The following F11 variants were observed in gnomAD, a reference collection of about 807,000 sequenced individuals.
F11 encodes the protein coagualtion factor XI.
F11 carries 78 observed loss-of-function variants against 76.5 expected under a neutral mutation model. That is an observed-to-expected ratio of 1.02 (90% CI 0.85 to 1.23). F11 has a LOEUF of 1.23. F11 is among the 50% of genes most tolerant of loss of function. The probability of loss-of-function intolerance (pLI) is 0.00; values close to 1 mark genes in which losing one functional copy is unlikely to be tolerated. For synonymous variants in F11, 278 were observed against 276.3 expected, an observed-to-expected ratio of 1.01 and a Z score of -0.06; for missense variants, 742 against 771.4, an observed-to-expected ratio of 0.96 and a Z score of 0.45.
intron 10 of F11, among the ~76,000 whole-genome samples, chr4:186,283,650 C>G (rs1345216539): frequency 2.0e-5 from 3 of 152,328 alleles, no homozygotes; most frequent in Admixed American, 2.0e-4. Flanking sequence ...AAGAGCAGTT[C>G]TCAAACGCCA....
intron 13 of F11, among the ~76,000 whole-genome samples, chr4:186,287,315 G>A (rs1388452983): frequency 6.6e-6 from 1 of 151,804 alleles, no homozygotes; most frequent in African/African-American, 2.4e-5. Context: ...CACCACTGGT[G>A]GCTCACGCCT....
At chr4:186,286,636 T>C in intron 13 of F11, 126 bp downstream of exon 13, 25 of 1,520,234 alleles carry the variant, frequency 1.6e-5, no homozygotes, top group Non-Finnish European at 2.2e-5. Flanking sequence ...AGCGGATTAA[T>C]AAAGATGGAG....
chr4:186,266,593 G>A (rs1378583689), intron 1 of F11, among the ~76,000 whole-genome samples: 1 of 152,150 alleles, frequency 6.6e-6, no homozygotes, highest in African/African-American at 2.4e-5. Flanking sequence ...TGATGACTCC[G>A]TTTTTCCTAG....
intron 2 of F11, among the ~76,000 whole-genome samples, chr4:186,269,058 T>G (rs1202477103): frequency 6.6e-6 from 1 of 152,114 alleles, no homozygotes; most frequent in East Asian, 1.9e-4. Flanking sequence ...GGAAAAAAAG[T>G]CACAGGTCTT....
Position 186,280,306 on chromosome 4 carries a change from T to A in F11, c.949T>A (p.Cys317Ser). The change falls in exon 9 of 15, where the codon TGC becomes AGC. Residue 317 changes from cysteine (C) to serine (S), a missense_variant. Cys to Ser is a moderately radical substitution (Grantham distance 112, BLOSUM62 -1). Transcript: ENST00000403665. ...TGTTGCTGCAAAAAGTCACGAGGCCTGCCAGAAACTGTGCACCAATGCCGT... is the reference window on the plus strand; with the variant it reads ...TGTTGCTGCAAAAAGTCACGAGGCCAGCCAGAAACTGTGCACCAATGCCGT... The part of the protein sequence containing the change: ...DIVAAKSHEA[C>S]QKLCTNAVRC... 6.2e-7 allele frequency: 1 copy of A among 1,614,220 alleles called. No individual in the cohort carries two copies. Among genetic ancestry groups the A allele is most frequent in the African/African-American group, 1.3e-5 (1 of 75,052 alleles).
At position 186,289,026 on chromosome 4, in the gene F11, A is replaced by AC; in HGVS notation, c.*412_*413insC. 4.0e-6 allele frequency: 1 copy of AC among 251,200 alleles called. No individual in the cohort carries two copies. 15.6% of individuals were successfully genotyped at this position (251,200 alleles called of 1,614,324 possible). ...AACTGGAAGAAAGGAGAACAAAGAC[A>AC]GTCTTCACCATTTTGCAGGAATCTA... is the stretch of plus-strand genomic sequence containing the variant. On this transcript the variant is annotated 3_prime_UTR_variant, in exon 15 of 15. Coordinates refer to ENST00000403665, the MANE Select transcript of F11 (RefSeq NM_000128.4).
At chr4:186,286,999 ACTC>A (rs1320532297) in intron 13 of F11, among the ~76,000 whole-genome samples, 2 of 151,484 alleles carry the variant, frequency 1.3e-5, no homozygotes, top group African/African-American at 4.9e-5. Context: ...TTTGAGATGG[ACTC>A]TCGCTCTGTC....
At chr4:186,277,797 T>TA (rs1554082624) in intron 7 of F11, among the ~76,000 whole-genome samples, 1 of 152,168 alleles carries the variant, frequency 6.6e-6, no homozygotes, top group Non-Finnish European at 1.5e-5. Context: ...GCTGTCCCTC[T>TA]TTTATTTATT....
chr4:186,280,222 G>A lies in F11; in HGVS notation c.866-1G>A. On this transcript the variant is annotated splice_acceptor_variant, in intron 8 of 14. Coordinates refer to ENST00000403665, the MANE Select transcript of F11 (RefSeq NM_000128.4). LOFTEE classifies it high-confidence loss of function. ...ACTCTGACATGTGGTCTGCTGTCTAGTGTTCTGCCATTCTTCATTTTACCA... is the reference window on the plus strand; with the variant it reads ...ACTCTGACATGTGGTCTGCTGTCTAATGTTCTGCCATTCTTCATTTTACCA... The A allele has an allele frequency of 6.2e-7, 1 of 1,614,184 alleles. No individual in the cohort carries two copies. The highest frequency in any genetic ancestry group is 8.5e-7 in the Non-Finnish European group (1 of 1,180,032).
chr4:186,275,294 C>A, intron 5 of F11: 1 of 406,132 alleles, frequency 2.5e-6, no homozygotes, highest in South Asian at 1.8e-5. Context: ...AGTTCGACAC[C>A]AGCCTGACCA....
Position 186,284,223 on chromosome 4 carries a change from A to G in F11, c.1267A>G (p.Asn423Asp), listed in dbSNP as rs1447327871. Residue 423 changes from asparagine to aspartate, a missense_variant, in exon 11 of 15, where the codon AAC becomes GAC. Coordinates refer to ENST00000403665, the MANE Select transcript of F11 (RefSeq NM_000128.4). ...CCTGTGTGGAGGCTCCATCATTGGA[A>G]ACCAGTGGATATTAACAGCCGCTCA... ...RHLCGGSIIG[N>D]QWILTAAHCF... 2.5e-6 allele frequency: 4 copies of G among 1,614,240 alleles called. No homozygotes were observed. Among genetic ancestry groups the G allele is most frequent in the Non-Finnish European group, 3.4e-6 (4 of 1,180,040 alleles).
chr4:186,267,017 G>GAATGCTATTGAATT, intron 1 of F11, 119 bp from the exon 2 acceptor site: 1 of 723,298 alleles, frequency 1.4e-6, no homozygotes, highest in South Asian at 1.5e-5. Context: ...AGAACACTGT[G>GAATGCTATTGAATT]AATGCTATTG....
chr4:186,266,683 T>G (rs1358644099), intron 1 of F11, among the ~76,000 whole-genome samples: 1 of 152,194 alleles, frequency 6.6e-6, no homozygotes, highest in Non-Finnish European at 1.5e-5. Flanking sequence ...AGCCACAGAC[T>G]TTTTTAAATA....
At chr4:186,275,920 G>A (rs1341202671) in intron 6 of F11, 24 bp downstream of exon 6, 1 of 1,534,464 alleles carries the variant, frequency 6.5e-7, no homozygotes, top group Non-Finnish European at 9.0e-7. Context: ...TCTTGATGAT[G>A]TAATTCAACC....
chr4:186,270,666 CA>C (rs1739877641), intron 2 of F11, among the ~76,000 whole-genome samples: 2 of 151,958 alleles, frequency 1.3e-5, no homozygotes, highest in Admixed American at 6.6e-5. Flanking sequence ...CACACACACA[CA>C]CAGAACACGT....
At chr4:186,272,967 T>C (rs991819511) in intron 3 of F11, 104 bp from the exon 4 acceptor site, 2 of 731,986 alleles carry the variant, frequency 2.7e-6, no homozygotes, top group East Asian at 5.4e-5. Context: ...TGAGATAAAG[T>C]AGTTTGTTTC....
rs1740727003 is a variant in F11 at position 186,280,567 on chromosome 4, TA to T, written c.1126del (p.Met376TrpfsTer28). 1 of 1,612,104 alleles carries T rather than the reference TA, an allele frequency of 6.2e-7. No homozygotes were observed. The highest frequency in any genetic ancestry group is 8.5e-7 in the Non-Finnish European group (1 of 1,178,176). On this transcript the variant is annotated frameshift_variant, in exon 10 of 15. Transcript: ENST00000403665. LOFTEE classifies it high-confidence loss of function. ...GISGYTLRLCKMDNECTTKIK... is the reference protein window; with the variant it reads ...GISGYTLRLCXMDNECTTKIK... ...TCTCTGGATACACATTAAGGTTGTG[TA>T]AAATGGATAATGGTGAGTATAATGT...
At chr4:186,272,899 G>C in intron 3 of F11, 172 bp from the exon 4 acceptor site, 1 of 579,524 alleles carries the variant, frequency 1.7e-6, no homozygotes, top group Non-Finnish European at 3.1e-6. Flanking sequence ...CTTAAGTGTA[G>C]GGATATTGAA....
rs1281804215 is a variant in F11, at chr4:186,276,403, CAAGT to C, written c.755+17_755+20del. The C allele has an allele frequency of 1.2e-6, 2 of 1,613,180 alleles. No homozygotes were observed. Reference sequence around the variant, plus strand: ...AAGAATCTCAAAGGTAAGGAGTTAACAAGTAAGGATAATTTGTTATCTTCTAAAA... The same window carrying C: ...AAGAATCTCAAAGGTAAGGAGTTAACAAGGATAATTTGTTATCTTCTAAAA... On this transcript the variant is annotated intron_variant, in intron 7 of 14. Coordinates refer to ENST00000403665, the MANE Select transcript of F11 (RefSeq NM_000128.4).
Sources: allele counts gnomAD v4.1 joint callset (sites outside exome capture counted in the v4.1 genomes callset), GRCh38; gene constraint gnomAD v4.1.1; transcripts MANE v1.5; gene names NCBI Gene and HGNC (gene_info 2026-07-23, HGNC 2026-07-21).